NTNG1: variants seen among roughly 807,000 people sequenced by gnomAD.
NTNG1 encodes the protein netrin-G1.
In NTNG1, 16 loss-of-function variants were observed where a neutral mutation model predicts 54.0. That is an observed-to-expected ratio of 0.30 (90% CI 0.20 to 0.45). The LOEUF (loss-of-function observed/expected upper bound fraction) is 0.45. Ranked by LOEUF, NTNG1 falls within the 20% of genes least tolerant of loss-of-function variation. The pLI is 1.00. For synonymous variants in NTNG1, 255 were observed against 263.1 expected (o/e 0.97, Z 0.30); for missense variants, 530 against 678.7 (o/e 0.78, Z 2.43).
chr1:107,431,135 T>C (rs1375670846), intron 6 of NTNG1, among the ~76,000 whole-genome samples: 1 of 152,180 alleles, frequency 6.6e-6, no homozygotes, highest in Non-Finnish European at 1.5e-5. Flanking sequence ...TTGCTTTAAA[T>C]ATGATGATCT....
chr1:107,322,402 A>C (rs1261863508), intron 2 of NTNG1, among the ~76,000 whole-genome samples: 1 of 152,096 alleles, frequency 6.6e-6, no homozygotes, highest in Non-Finnish European at 1.5e-5. Context: ...ATGCTGACAG[A>C]TTTTGAAGTG....
rs988480317 is a variant in NTNG1 at position 107,261,782 on chromosome 1, G to T, written c.247-62500G>T. On this transcript the variant is annotated intron_variant, in intron 2 of 7. Transcript: ENST00000370068. Reference sequence around the variant, plus strand: ...GGCGTGAACCCGGGAGGCGGAGCTTGCAGTGAGCTGAGATCGCACCACTGC... The same window carrying T: ...GGCGTGAACCCGGGAGGCGGAGCTTTCAGTGAGCTGAGATCGCACCACTGC... Among the ~76,000 whole-genome samples, 3 of 152,218 alleles carry T rather than the reference G, an allele frequency of 2.0e-5. No individual in the cohort carries two copies. In the South Asian group the frequency reaches 6.2e-4, roughly 32 times the overall value.
At chr1:107,382,672 A>C (rs958570962) in intron 3 of NTNG1, among the ~76,000 whole-genome samples, 1 of 151,912 alleles carries the variant, frequency 6.6e-6, no homozygotes, top group African/African-American at 2.4e-5. Context: ...CTTTGTTTCT[A>C]TTCTTAAGTG....
intron 4 of NTNG1, among the ~76,000 whole-genome samples, chr1:107,401,008 C>A (rs533163553): frequency 1.3e-5 from 2 of 152,126 alleles, no homozygotes; most frequent in Admixed American, 1.3e-4. Context: ...GTAATGTGCA[C>A]GTGGCTACAC....
At chr1:107,261,356 A>G (rs1045934259) in intron 2 of NTNG1, among the ~76,000 whole-genome samples, 5 of 152,148 alleles carry the variant, frequency 3.3e-5, no homozygotes, top group Non-Finnish European at 7.4e-5. Context: ...ATACCAGACA[A>G]CTTCCAGTAG....
chr1:107,418,238 G>A (rs17018982), intron 5 of NTNG1, among the ~76,000 whole-genome samples: 22,305 of 152,014 alleles, frequency 0.15, 1,722 homozygotes, highest in Middle Eastern at 0.25. Flanking sequence ...TATTTCTTTA[G>A]TGTTATCTTC....
intron 2 of NTNG1, among the ~76,000 whole-genome samples, chr1:107,243,578 A>G (rs1385551514): frequency 6.6e-6 from 1 of 152,018 alleles, no homozygotes; most frequent in Non-Finnish European, 1.5e-5. Flanking sequence ...GTTTTTTGAG[A>G]TGGGCTTTCA....
intron 2 of NTNG1, among the ~76,000 whole-genome samples, chr1:107,317,529 T>C (rs530692934): frequency 2.6e-5 from 4 of 152,308 alleles, no homozygotes; most frequent in African/African-American, 9.6e-5. Flanking sequence ...CATTGCTATA[T>C]AGGAATCTGT....
rs1678753739 is a variant in NTNG1 at position 107,482,055 on chromosome 1, C to CAAAAAGCAAAAAAAA, written c.*1220_*1221insGCAAAAAAAAAAAAA. ...TTCCACTTGGGAAAAATTACAACAGCAAAAAAAAAAAAAAAAAAAAAAAAA... is the reference window on the plus strand; with the variant it reads ...TTCCACTTGGGAAAAATTACAACAGCAAAAAGCAAAAAAAAAAAAAAAAAAAAAAAAAAAAAAAAA... On this transcript the variant is annotated 3_prime_UTR_variant, in exon 8 of 8. Transcript: ENST00000370068. 1 of 114,468 alleles carries CAAAAAGCAAAAAAAA rather than the reference C, an allele frequency of 8.7e-6. No individual in the cohort carries two copies. The highest frequency in any genetic ancestry group is 1.8e-5 in the Non-Finnish European group (1 of 55,494). 7.1% of individuals were successfully genotyped at this position (114,468 alleles called of 1,614,324 possible).
chr1:107,149,293 A>T (rs1028015332), intron 2 of NTNG1, among the ~76,000 whole-genome samples: 1 of 152,190 alleles, frequency 6.6e-6, no homozygotes, highest in Non-Finnish European at 1.5e-5. Flanking sequence ...ACTAGATCTC[A>T]TAATTATGTT....
intron 3 of NTNG1, among the ~76,000 whole-genome samples, chr1:107,372,266 A>T (rs1670965389): frequency 6.6e-6 from 1 of 151,954 alleles, no homozygotes; most frequent in African/African-American, 2.4e-5. Flanking sequence ...ATGGAAGGTG[A>T]GGAAATTGAT....
intron 7 of NTNG1, among the ~76,000 whole-genome samples, chr1:107,438,309 C>G (rs1040402972): frequency 4.6e-5 from 7 of 152,114 alleles, no homozygotes; most frequent in African/African-American, 1.7e-4. Context: ...CACTGAAAGA[C>G]AGTCAAATAG....
intron 2 of NTNG1, among the ~76,000 whole-genome samples, chr1:107,269,460 G>A (rs1016059289): frequency 1.5e-4 from 23 of 152,092 alleles, no homozygotes; most frequent in Admixed American, 4.6e-4. Flanking sequence ...ACTGCTTTCC[G>A]ATATACAATG....
At position 107,148,494 on chromosome 1, in the gene NTNG1, C is replaced by T; in HGVS notation, c.-100C>T. ...ATACAGAGACCTACCTACCCGTACG[C>T]ATACATACATATGTGTATATATATG... On this transcript the variant is annotated 5_prime_UTR_variant, in exon 2 of 8. Coordinates refer to ENST00000370068, the MANE Select transcript of NTNG1 (RefSeq NM_001113226.3). 9.2e-7 allele frequency: 1 copy of T among 1,090,900 alleles called. No homozygotes were observed. The highest frequency in any genetic ancestry group is 1.4e-6 in the Non-Finnish European group (1 of 739,618). The allele number at this position is 1,090,900 out of a possible 1,614,324, so 67.6% of individuals were successfully genotyped here.
intron 6 of NTNG1, 97 bp from the exon 7 acceptor site, chr1:107,436,568 A>G (rs1454995970): frequency 2.1e-6 from 2 of 965,624 alleles, no homozygotes; most frequent in Non-Finnish European, 2.9e-6. Flanking sequence ...ATCTTTCTTT[A>G]AGTAAGTGAT....
chr1:107,200,759 C>T (rs1266765021), intron 2 of NTNG1, among the ~76,000 whole-genome samples: 1 of 151,852 alleles, frequency 6.6e-6, no homozygotes. Flanking sequence ...CCCTGAGCCC[C>T]TCCTATTACT....
chr1:107,480,988 T>C lies in NTNG1; in HGVS notation c.*148T>C. 1 of 622,022 alleles carries C rather than the reference T, an allele frequency of 1.6e-6. No individual in the cohort carries two copies. The highest frequency in any genetic ancestry group is 2.8e-5 in the East Asian group (1 of 36,136). The allele number at this position is 622,022 out of a possible 1,614,324, so 38.5% of individuals were successfully genotyped here. A position where few individuals can be genotyped will look rare whatever the true frequency, so the allele number is the denominator to read the frequency against. The stretch of plus-strand genomic sequence containing the variant: ...AAGAAGGCCTAACTGAACTAAGCCA[T>C]ATTTATCACCCGTGGACAGCACATC... On this transcript the variant is annotated 3_prime_UTR_variant, in exon 8 of 8. Transcript: ENST00000370068.
intron 2 of NTNG1, among the ~76,000 whole-genome samples, chr1:107,189,819 T>TAAAAA (rs66974543): frequency 7.0e-6 from 1 of 143,594 alleles, no homozygotes. Context: ...AGTCAAAAGT[T>TAAAAA]AAAAAAAAAA....
intron 2 of NTNG1, among the ~76,000 whole-genome samples, chr1:107,238,589 G>A (rs535723801): frequency 5.3e-5 from 8 of 152,244 alleles, no homozygotes; most frequent in African/African-American, 1.9e-4. Context: ...GGAGGTAAAT[G>A]AATCATTGGG....
Sources: allele counts gnomAD v4.1 joint callset (sites outside exome capture counted in the v4.1 genomes callset), GRCh38; gene constraint gnomAD v4.1.1; transcripts MANE v1.5; gene names NCBI Gene and HGNC (gene_info 2026-07-23, HGNC 2026-07-21).